Variants in PTPRD observed in about 807,000 individuals in gnomAD.
PTPRD encodes the protein receptor-type tyrosine-protein phosphatase delta.
PTPRD carries 34 observed loss-of-function variants against 214.5 expected under a neutral mutation model. That is an observed-to-expected ratio of 0.16 (90% CI 0.12 to 0.21). The LOEUF is 0.21. Ranked by LOEUF, PTPRD falls within the 10% of genes least tolerant of loss-of-function variation. The pLI, the probability that PTPRD is intolerant of heterozygous loss-of-function variation, is 1.00. For synonymous variants in PTPRD, 1,128 were observed against 845.7 expected (o/e 1.33, Z -5.79); for missense variants, 2,545 against 2,398.7 (o/e 1.06, Z -1.27).
At chr9:9,136,366 C>T (rs962065626) in intron 10 of PTPRD, among the ~76,000 whole-genome samples, 2 of 151,948 alleles carry the variant, frequency 1.3e-5, no homozygotes, top group African/African-American at 4.8e-5. Context: ...TTATTATTTA[C>T]TTATATATGT....
At position 10,352,895 on chromosome 9, in the gene PTPRD, C is replaced by G. The variant is rs1018921301; in HGVS notation, c.-599-11878G>C. ...CCCCTCTTTAAGCATAATACTGATTCCTAAATGCTGCAATACCTTTAGGTG... is the reference window on the plus strand; with the variant it reads ...CCCCTCTTTAAGCATAATACTGATTGCTAAATGCTGCAATACCTTTAGGTG... On this transcript the variant is annotated intron_variant, in intron 2 of 45. Transcript: ENST00000381196. Among the ~76,000 whole-genome samples the G allele has an allele frequency of 4.8e-4, 73 of 151,888 alleles. 1 individual carries two copies. Among genetic ancestry groups the G allele is most frequent in the Non-Finnish European group, 7.4e-5 (5 of 67,858 alleles).
At chr9:10,148,954 G>T (rs2099042494) in intron 3 of PTPRD, among the ~76,000 whole-genome samples, 1 of 152,164 alleles carries the variant, frequency 6.6e-6, no homozygotes, top group African/African-American at 2.4e-5. Context: ...AGCAGAGAGT[G>T]TGATATGTGA....
chr9:9,720,116 G>A (rs1441084432), intron 7 of PTPRD, among the ~76,000 whole-genome samples: 1 of 152,154 alleles, frequency 6.6e-6, no homozygotes, highest in South Asian at 2.1e-4. Context: ...AAGCAGAGGT[G>A]CTGTTGACCC....
chr9:8,749,282 G>A (rs1438614651), intron 11 of PTPRD, among the ~76,000 whole-genome samples: 1 of 152,122 alleles, frequency 6.6e-6, no homozygotes, highest in Non-Finnish European at 1.5e-5. Context: ...CCGGGTTCAA[G>A]CAATTCTACA....
intron 2 of PTPRD, among the ~76,000 whole-genome samples, chr9:10,365,215 C>T (rs1014662753): frequency 6.6e-6 from 1 of 152,116 alleles, no homozygotes; most frequent in Non-Finnish European, 1.5e-5. Flanking sequence ...TTTTTAAAAC[C>T]ACATACAGTC....
At chr9:9,877,217 G>T (rs996995349) in intron 5 of PTPRD, among the ~76,000 whole-genome samples, 2 of 152,144 alleles carry the variant, frequency 1.3e-5, no homozygotes, top group African/African-American at 4.8e-5. Flanking sequence ...TGAGTAACTG[G>T]TAATGCAGGT....
intron 11 of PTPRD, among the ~76,000 whole-genome samples, chr9:8,812,485 G>A (rs753731327): frequency 6.6e-6 from 1 of 152,096 alleles, no homozygotes; most frequent in Non-Finnish European, 1.5e-5. Flanking sequence ...TACTCTCAAA[G>A]GGAGAAATAA....
At chr9:9,240,831 G>A (rs112872607) in intron 9 of PTPRD, among the ~76,000 whole-genome samples, 23 of 151,950 alleles carry the variant, frequency 1.5e-4, no homozygotes, top group African/African-American at 2.9e-4. Flanking sequence ...TATCAATTTC[G>A]CTCATCAGGT....
At chr9:10,316,757 T>TA (rs1442297327) in intron 3 of PTPRD, among the ~76,000 whole-genome samples, 1 of 151,960 alleles carries the variant, frequency 6.6e-6, no homozygotes, top group Non-Finnish European at 1.5e-5. Flanking sequence ...TATTCTAATC[T>TA]AAAAAAGATT....
intron 4 of PTPRD, among the ~76,000 whole-genome samples, chr9:10,007,602 C>T (rs1391920888): frequency 6.6e-6 from 1 of 151,878 alleles, no homozygotes; most frequent in Non-Finnish European, 1.5e-5. Flanking sequence ...TCCATTTCAA[C>T]AGTGTTTATC....
At chr9:10,611,360 G>A (rs2133815663) in intron 2 of PTPRD, among the ~76,000 whole-genome samples, 1 of 152,090 alleles carries the variant, frequency 6.6e-6, no homozygotes, top group South Asian at 2.1e-4. Context: ...CAGTGATAAA[G>A]AAAAAAATGC....
intron 3 of PTPRD, among the ~76,000 whole-genome samples, chr9:10,298,539 C>A (rs1004848672): frequency 6.6e-6 from 1 of 152,078 alleles, no homozygotes; most frequent in African/African-American, 2.4e-5. Context: ...ATACTTTTCA[C>A]TTAATTGCCA....
At chr9:9,117,245 G>A (rs189190779) in intron 10 of PTPRD, among the ~76,000 whole-genome samples, 1 of 144,582 alleles carries the variant, frequency 6.9e-6, no homozygotes, top group Non-Finnish European at 1.5e-5. Flanking sequence ...TGTACTTTCA[G>A]GGTATGATTA....
intron 3 of PTPRD, among the ~76,000 whole-genome samples, chr9:10,077,696 T>C (rs1028986733): frequency 6.6e-6 from 1 of 152,132 alleles, no homozygotes; most frequent in African/African-American, 2.4e-5. Context: ...CTTCTTTGTG[T>C]CCATATGTAC....
At chr9:9,569,994 C>T (rs2085854992) in intron 8 of PTPRD, among the ~76,000 whole-genome samples, 2 of 151,340 alleles carry the variant, frequency 1.3e-5, no homozygotes, top group South Asian at 2.1e-4. Context: ...TGAAAGTGCT[C>T]ATCAGAACTA....
chr9:8,846,036 T>C (rs532030910), intron 11 of PTPRD, among the ~76,000 whole-genome samples: 3 of 152,344 alleles, frequency 2.0e-5, no homozygotes, highest in African/African-American at 7.2e-5. Flanking sequence ...ATTAAGTGCA[T>C]CTGGGAATTG....
chr9:9,671,277 C>T (rs919171211), intron 7 of PTPRD, among the ~76,000 whole-genome samples: 3 of 152,108 alleles, frequency 2.0e-5, no homozygotes, highest in African/African-American at 7.2e-5. Flanking sequence ...TTTGTTTTGG[C>T]CAATGTCTCC....
At chr9:9,450,946 T>TACACACAC (rs1386137342) in intron 8 of PTPRD, among the ~76,000 whole-genome samples, 19 of 52,162 alleles carry the variant, frequency 3.6e-4, no homozygotes, top group South Asian at 1.3e-3. Flanking sequence ...AATACATACA[T>TACACACAC]ACATACACAC....
intron 10 of PTPRD, among the ~76,000 whole-genome samples, chr9:9,105,511 A>G (rs2099797242): frequency 6.6e-6 from 1 of 152,108 alleles, no homozygotes; most frequent in African/African-American, 2.4e-5. Flanking sequence ...TAAAAACACA[A>G]CTACCTCAGC....
Sources: allele counts gnomAD v4.1 joint callset (sites outside exome capture counted in the v4.1 genomes callset), GRCh38; gene constraint gnomAD v4.1.1; transcripts MANE v1.5; gene names NCBI Gene and HGNC (gene_info 2026-07-23, HGNC 2026-07-21).